Variants in CIB2 observed in about 807,000 individuals in gnomAD.
CIB2 encodes calcium and integrin-binding family member 2.
CIB2 carries 19 observed loss-of-function variants against 23.1 expected under a neutral mutation model. That is an observed-to-expected ratio of 0.82 (90% CI 0.57 to 1.21). The LOEUF is 1.21. Ranked by LOEUF, CIB2 falls within the 50% of genes most tolerant of loss-of-function variation. CIB2 has a pLI of 0.00. For missense variants in CIB2, 220 were observed against 241.5 expected (o/e 0.91, Z 0.59); for synonymous variants, 94 against 91.7 (o/e 1.03, Z -0.14).
At chr15:78,107,545 G>A (rs755895768) in intron 4 of CIB2, among the ~76,000 whole-genome samples, 3 of 152,160 alleles carry the variant, frequency 2.0e-5, no homozygotes, top group Non-Finnish European at 2.9e-5. Flanking sequence ...CCTCCCCAGC[G>A]CCAGACTAGG....
chr15:78,128,956 A>G lies in CIB2; in HGVS notation c.51+2209T>C, dbSNP rs143487666. Among the ~76,000 whole-genome samples the G allele has an allele frequency of 3.9e-4, 60 of 152,244 alleles. 1 individual carries two copies. The East Asian group carries it at 0.011, about 28-fold the overall frequency. On this transcript the variant is annotated intron_variant, in intron 1 of 5. Transcript: ENST00000258930. ...GGCTGAGGGAGAGCAGAGAGTTGAA[A>G]TGGCTGGAGGAGCAGCAGTGGGTGT...
intron 2 of CIB2, among the ~76,000 whole-genome samples, chr15:78,119,319 G>A (rs779550832): frequency 7.2e-5 from 11 of 152,192 alleles, no homozygotes; most frequent in Non-Finnish European, 1.0e-4. Context: ...TGTCTATACC[G>A]TGTTTGGTTC....
intron 2 of CIB2, among the ~76,000 whole-genome samples, chr15:78,117,764 C>T (rs1438313923): frequency 6.6e-6 from 1 of 152,200 alleles, no homozygotes; most frequent in Non-Finnish European, 1.5e-5. Context: ...GACTAGACAG[C>T]TTCATTTATT....
chr15:78,112,469 G>A (rs2074175477), intron 2 of CIB2, among the ~76,000 whole-genome samples: 1 of 152,206 alleles, frequency 6.6e-6, no homozygotes, highest in African/African-American at 2.4e-5. Context: ...GCTGAGGCTG[G>A]AGGATCACTT....
At chr15:78,107,241 A>T (rs2074085522) in intron 4 of CIB2, among the ~76,000 whole-genome samples, 2 of 151,766 alleles carry the variant, frequency 1.3e-5, no homozygotes, top group African/African-American at 4.9e-5. Context: ...TCTCAAAAAT[A>T]AAAAAAGAAA....
At chr15:78,110,543 G>T in intron 3 of CIB2, 1 of 412,778 alleles carries the variant, frequency 2.4e-6, no homozygotes, top group South Asian at 1.7e-5. Flanking sequence ...ATGGGGAGTT[G>T]TGCCCCAAAT....
chr15:78,119,337 C>T (rs1176912583), intron 2 of CIB2, among the ~76,000 whole-genome samples: 1 of 152,126 alleles, frequency 6.6e-6, no homozygotes, highest in Non-Finnish European at 1.5e-5. Context: ...TTCATCTATT[C>T]ATTTGCTGAT....
At chr15:78,111,032 G>A (rs1480463013) in intron 3 of CIB2, 133 bp downstream of exon 3, 3 of 758,244 alleles carry the variant, frequency 4.0e-6, no homozygotes, top group Admixed American at 3.9e-5. Flanking sequence ...CTGAGGCACA[G>A]AGAGGTTCTG....
Position 78,104,928 on chromosome 15 carries a change from T to G in CIB2, c.*383A>C. 1 of 253,128 alleles carries G rather than the reference T, an allele frequency of 4.0e-6. No homozygotes were observed. The highest frequency in any genetic ancestry group is 7.9e-6 in the Non-Finnish European group (1 of 127,306). 15.7% of individuals were successfully genotyped at this position (253,128 alleles called of 1,614,324 possible). A position where few individuals can be genotyped will look rare whatever the true frequency, so the allele number is the denominator to read the frequency against. On this transcript the variant is annotated 3_prime_UTR_variant, in exon 6 of 6. Transcript: ENST00000258930. This position sits in a 1 kb window ranked among gnomAD's most constrained non-coding sequence, Gnocchi z 4.4. ...ACCTCTTTTTTTTTTTTCCGCTCTG[T>G]CCTGGGTGACCAGGGTGTCTGCCAG...
At position 78,122,573 on chromosome 15, in the gene CIB2, C is replaced by T. The variant is rs576643965; in HGVS notation, c.86+1132G>A. 6.6e-4 allele frequency among the ~76,000 whole-genome samples: 101 copies of T among 152,306 alleles called. 1 individual carries two copies. Among genetic ancestry groups the T allele is most frequent in the South Asian group, 2.7e-3 (13 of 4,822 alleles). On this transcript the variant is annotated intron_variant, in intron 2 of 5. Transcript: ENST00000258930. ...ATCTCTCAAGCTACAGGGCAAATCC[C>T]ACTTATCAAACACTATACCCCAGTG...
At chr15:78,119,818 G>A (rs939804667) in intron 2 of CIB2, among the ~76,000 whole-genome samples, 1 of 151,656 alleles carries the variant, frequency 6.6e-6, no homozygotes, top group East Asian at 2.0e-4. Flanking sequence ...TGATCCACCC[G>A]CCTCAGCCTC....
At chr15:78,115,184 AAAG>A (rs1170788862) in intron 2 of CIB2, among the ~76,000 whole-genome samples, 3 of 152,240 alleles carry the variant, frequency 2.0e-5, no homozygotes, top group Non-Finnish European at 4.4e-5. Flanking sequence ...AGAAATGTGA[AAAG>A]AAGGAGGCTA....
chr15:78,109,295 A>C lies in CIB2; in HGVS notation c.286T>G (p.Ser96Ala), dbSNP rs1263710765. The C allele has an allele frequency of 6.2e-6, 10 of 1,600,768 alleles. No homozygotes were observed. Among genetic ancestry groups the C allele is most frequent in the Non-Finnish European group, 8.5e-6 (10 of 1,171,846 alleles). Reference sequence around the variant, plus strand: ...CGGGGAGCCGACTCGCAGAGCACGGAAAACATGTCCACAAAGTCGTTGAAA... The same window carrying C: ...CGGGGAGCCGACTCGCAGAGCACGGCAAACATGTCCACAAAGTCGTTGAAA... Reference protein sequence around the residue: ...LTFNDFVDMFSVLCESAPREL... With the variant: ...LTFNDFVDMFAVLCESAPREL... Residue 96 changes from serine to alanine, a missense_variant, in exon 4 of 6, where the codon TCC becomes GCC. By Grantham distance (99) the Ser-to-Ala change is moderately conservative (BLOSUM62 1). Transcript: ENST00000258930.
intron 3 of CIB2, among the ~76,000 whole-genome samples, chr15:78,110,235 C>T (rs1351977645): frequency 6.6e-6 from 1 of 152,282 alleles, no homozygotes; most frequent in African/African-American, 2.4e-5. Context: ...TGAGCTAGCG[C>T]TTGGCTAGCG....
chr15:78,117,405 G>A (rs2074256866), intron 2 of CIB2, among the ~76,000 whole-genome samples: 1 of 152,014 alleles, frequency 6.6e-6, no homozygotes, highest in African/African-American at 2.4e-5. Flanking sequence ...GTATGAAACA[G>A]ACATTGGCAT....
intron 2 of CIB2, among the ~76,000 whole-genome samples, chr15:78,112,113 C>T (rs2074168839): frequency 6.6e-6 from 1 of 152,206 alleles, no homozygotes; most frequent in Admixed American, 6.5e-5. Context: ...CATGGACCCT[C>T]AAAGGTGTAA....
At chr15:78,108,272 C>G (rs1356491293) in intron 4 of CIB2, among the ~76,000 whole-genome samples, 2 of 151,944 alleles carry the variant, frequency 1.3e-5, no homozygotes, top group East Asian at 3.9e-4. Context: ...GGCCCTGCTG[C>G]CTTTGGGATC....
At chr15:78,112,796 C>A (rs1389388197) in intron 2 of CIB2, among the ~76,000 whole-genome samples, 3 of 152,192 alleles carry the variant, frequency 2.0e-5, no homozygotes, top group African/African-American at 7.2e-5. Flanking sequence ...ACCCCAGGCC[C>A]ACCTTTATCA....
rs1431125545 is a variant in CIB2 at position 78,105,083 on chromosome 15, G to A, written c.*228C>T. The A allele has an allele frequency of 5.7e-5, 33 of 577,642 alleles. 1 individual carries two copies. The highest frequency in any genetic ancestry group is 1.0e-4 in the South Asian group (5 of 49,164). 35.8% of individuals were successfully genotyped at this position (577,642 alleles called of 1,614,324 possible). On this transcript the variant is annotated 3_prime_UTR_variant, in exon 6 of 6. Transcript: ENST00000258930. Reference sequence around the variant, plus strand: ...GCGGGGTGCGGAGGGCCTGGAGAGAGGCCATGGGTCCCGGGGCTGGACCAC... The same window carrying A: ...GCGGGGTGCGGAGGGCCTGGAGAGAAGCCATGGGTCCCGGGGCTGGACCAC...
Sources: allele counts gnomAD v4.1 joint callset (sites outside exome capture counted in the v4.1 genomes callset), GRCh38; gene constraint gnomAD v4.1.1; non-coding constraint Gnocchi (gnomAD v3.1); transcripts MANE v1.5; gene names NCBI Gene and HGNC (gene_info 2026-07-23, HGNC 2026-07-21).